KCNQ3: variants seen among roughly 807,000 people sequenced by gnomAD.
The protein encoded by KCNQ3 is potassium voltage-gated channel subfamily Q member 3, also known as potassium voltage-gated channel subfamily KQT member 3.
Under a neutral mutation model 92.5 loss-of-function variants are expected in KCNQ3, and 30 were observed. The observed-to-expected ratio is 0.32, with a 90% confidence interval of 0.24 to 0.44. The LOEUF (loss-of-function observed/expected upper bound fraction) is 0.44. Among genes scored for constraint, KCNQ3 ranks in the 20% least tolerant of loss-of-function variants. KCNQ3 has a pLI of 1.00. For missense variants in KCNQ3, 913 were observed against 1,140.3 expected (o/e 0.80, Z 2.87); for synonymous variants, 450 against 468.8 (o/e 0.96, Z 0.52).
chr8:132,384,707 G>A (rs747569179), intron 1 of KCNQ3, among the ~76,000 whole-genome samples: 1 of 152,200 alleles, frequency 6.6e-6, no homozygotes, highest in Non-Finnish European at 1.5e-5. Context: ...AAAAGTAAGA[G>A]CAGGACTCAT....
chr8:132,228,981 C>T (rs1814533341), intron 1 of KCNQ3, among the ~76,000 whole-genome samples: 1 of 149,620 alleles, frequency 6.7e-6, no homozygotes, highest in Non-Finnish European at 1.5e-5. Context: ...GGAGGCTGGG[C>T]ATGGTGGCTC....
intron 1 of KCNQ3, among the ~76,000 whole-genome samples, chr8:132,250,996 T>C (rs1232653500): frequency 1.3e-5 from 2 of 152,222 alleles, no homozygotes; most frequent in African/African-American, 2.4e-5. Flanking sequence ...CCATGGCTTA[T>C]GCCTGTAATA....
intron 1 of KCNQ3, among the ~76,000 whole-genome samples, chr8:132,257,606 G>A (rs1251326399): frequency 2.0e-5 from 3 of 151,902 alleles, no homozygotes; most frequent in Non-Finnish European, 4.4e-5. Context: ...AATTAGCTGG[G>A]TGTGGTGGCA....
chr8:132,245,551 A>G (rs987935971), intron 1 of KCNQ3, among the ~76,000 whole-genome samples: 9 of 152,208 alleles, frequency 5.9e-5, no homozygotes, highest in African/African-American at 2.2e-4. Context: ...AAAACTTCTG[A>G]AAGTTTTAAC....
chr8:132,204,712 T>C (rs1268489494), intron 1 of KCNQ3, among the ~76,000 whole-genome samples: 1 of 152,244 alleles, frequency 6.6e-6, no homozygotes, highest in Non-Finnish European at 1.5e-5. Flanking sequence ...TTTCTAACCA[T>C]GTGCACTTGG....
intron 1 of KCNQ3, among the ~76,000 whole-genome samples, chr8:132,424,655 G>A (rs958348228): frequency 1.3e-5 from 2 of 152,228 alleles, no homozygotes; most frequent in African/African-American, 4.8e-5. Context: ...GAACTTATGT[G>A]TCACAGTTCT....
At chr8:132,408,608 G>A (rs1287544675) in intron 1 of KCNQ3, among the ~76,000 whole-genome samples, 2 of 152,112 alleles carry the variant, frequency 1.3e-5, no homozygotes, top group African/African-American at 4.8e-5. Flanking sequence ...TACCTTATGT[G>A]GCCAAAAGGA....
At chr8:132,211,246 C>T (rs1018602010) in intron 1 of KCNQ3, among the ~76,000 whole-genome samples, 2 of 152,160 alleles carry the variant, frequency 1.3e-5, no homozygotes, top group South Asian at 2.1e-4. Context: ...GACTCCAATA[C>T]ATGTGAGAAA....
At chr8:132,289,881 A>G (rs1816792234) in intron 1 of KCNQ3, among the ~76,000 whole-genome samples, 1 of 152,158 alleles carries the variant, frequency 6.6e-6, no homozygotes, top group Non-Finnish European at 1.5e-5. Flanking sequence ...CTGTGACTGC[A>G]TCCTTGGTAG....
chr8:132,439,989 T>A (rs183737231), intron 1 of KCNQ3, among the ~76,000 whole-genome samples: 1 of 152,346 alleles, frequency 6.6e-6, no homozygotes, highest in African/African-American at 2.4e-5. Context: ...CAATCCTTAA[T>A]ACAAAGTGGT....
chr8:132,451,245 CT>C (rs1466182455), intron 1 of KCNQ3, among the ~76,000 whole-genome samples: 11 of 152,246 alleles, frequency 7.2e-5, no homozygotes, highest in East Asian at 1.9e-4. Flanking sequence ...TTTGCTTCTC[CT>C]TTGCCTTCTG....
intron 1 of KCNQ3, among the ~76,000 whole-genome samples, chr8:132,472,878 AATATGTAC>A (rs1166461595): frequency 1.3e-5 from 2 of 152,222 alleles, no homozygotes; most frequent in Admixed American, 1.3e-4. Flanking sequence ...GTACCTCATA[AATATGTAC>A]ATACATTATC....
intron 1 of KCNQ3, among the ~76,000 whole-genome samples, chr8:132,422,814 G>A (rs757824634): frequency 6.6e-5 from 10 of 152,192 alleles, no homozygotes; most frequent in South Asian, 2.1e-4. Context: ...TGATGGATCC[G>A]TAAGCTTAGG....
chr8:132,144,910 A>C (rs1287822489), intron 9 of KCNQ3, among the ~76,000 whole-genome samples: 2 of 152,108 alleles, frequency 1.3e-5, no homozygotes. Context: ...GGCTTTTCTC[A>C]TCCATGGCAC....
intron 1 of KCNQ3, among the ~76,000 whole-genome samples, chr8:132,272,116 C>G (rs558156605): frequency 1.2e-4 from 19 of 152,340 alleles, no homozygotes; most frequent in African/African-American, 4.1e-4. Flanking sequence ...CTACTTTGGA[C>G]ATGATGCTTA....
chr8:132,278,206 A>G, intron 1 of KCNQ3: 1 of 985,238 alleles, frequency 1.0e-6, no homozygotes, highest in Non-Finnish European at 1.2e-6. Context: ...ATAGGATGGT[A>G]AGACCAAAGA....
chr8:132,408,438 C>T (rs1377196977), intron 1 of KCNQ3, among the ~76,000 whole-genome samples: 1 of 152,172 alleles, frequency 6.6e-6, no homozygotes, highest in Non-Finnish European at 1.5e-5. Flanking sequence ...CTACCTGATG[C>T]TGTGCCCTGG....
chr8:132,305,205 A>G (rs1817382033), intron 1 of KCNQ3, among the ~76,000 whole-genome samples: 1 of 152,238 alleles, frequency 6.6e-6, no homozygotes, highest in African/African-American at 2.4e-5. Flanking sequence ...TCCAGCCATG[A>G]CATGTAACAC....
chr8:132,226,229 C>G, intron 1 of KCNQ3, among the ~76,000 whole-genome samples: 1 of 151,502 alleles, frequency 6.6e-6, no homozygotes, highest in Non-Finnish European at 1.5e-5. Flanking sequence ...TGAGATTGCA[C>G]CAGTGCACTC....
Sources: allele counts gnomAD v4.1 joint callset (sites outside exome capture counted in the v4.1 genomes callset), GRCh38; gene constraint gnomAD v4.1.1; transcripts MANE v1.5; gene names NCBI Gene and HGNC (gene_info 2026-07-23, HGNC 2026-07-21).